The following CIP2A variants were observed in gnomAD, a reference collection of about 807,000 sequenced individuals.
CIP2A encodes the protein protein CIP2A.
A neutral mutation model predicts 110.9 loss-of-function variants in CIP2A; 103 were observed. The observed-to-expected ratio is 0.93, with a 90% CI of 0.79 to 1.09. The LOEUF is 1.09. Among genes scored for constraint, CIP2A ranks in the 50% least tolerant of loss-of-function variants. The pLI, the probability that CIP2A is intolerant of heterozygous loss-of-function variation, is 0.00. For missense variants in CIP2A, 1,088 were observed against 1,038.4 expected (o/e 1.05, Z -0.66); for synonymous variants, 381 against 361.6 (o/e 1.05, Z -0.61).
In CIP2A at chr3:108,560,720, G is replaced by A. The variant is rs1937977429; in HGVS notation, c.1756C>T (p.Pro586Ser). 1.9e-6 allele frequency: 3 copies of A among 1,611,810 alleles called. No individual in the cohort carries two copies. Among genetic ancestry groups the A allele is most frequent in the Non-Finnish European group, 2.5e-6 (3 of 1,178,502 alleles). Residue 586 changes from proline to serine, a missense_variant, in exon 14 of 21, where the codon CCT becomes TCT. Coordinates refer to ENST00000295746, the MANE Select transcript of CIP2A (RefSeq NM_020890.3). ...SFPTSIKCLT[P>S]HLKDGVPGLN... ...CCAGGAACACCATCTTTCAAATGAGGAGTTAAACACTTTATTGATGTTGGA... is the reference window on the plus strand; with the variant it reads ...CCAGGAACACCATCTTTCAAATGAGAAGTTAAACACTTTATTGATGTTGGA...
chr3:108,551,132 C>A lies in CIP2A; in HGVS notation c.*17G>T. On this transcript the variant is annotated 3_prime_UTR_variant, in exon 21 of 21. Coordinates refer to ENST00000295746, the MANE Select transcript of CIP2A (RefSeq NM_020890.3). ...CAAAAATATCATGAGATTACAAATT[C>A]CAAAATGCCATAATGTCTATATACT... is the stretch of plus-strand genomic sequence containing the variant. 8.8e-7 allele frequency: 1 copy of A among 1,134,734 alleles called. No homozygotes were observed. The highest frequency in any genetic ancestry group is 1.1e-6 in the Non-Finnish European group (1 of 873,768). 70.3% of individuals were successfully genotyped at this position (1,134,734 alleles called of 1,614,324 possible).
chr3:108,576,316 TTGG>T lies in CIP2A; in HGVS notation c.846_848del (p.His282del). 1.3e-6 allele frequency: 2 copies of T among 1,563,802 alleles called. No homozygotes were observed. Among genetic ancestry groups the T allele is most frequent in the Non-Finnish European group, 1.7e-6 (2 of 1,152,538 alleles). On this transcript the variant is annotated inframe_deletion, in exon 8 of 21. Coordinates refer to ENST00000295746, the MANE Select transcript of CIP2A (RefSeq NM_020890.3). ...CCTTTCCATTAAGAAGACCTAATAC[TTGG>T]TGAAGACATGAAGAAAAGTGCTCAT...
intron 5 of CIP2A, among the ~76,000 whole-genome samples, chr3:108,580,647 A>T (rs1436265922): frequency 6.7e-6 from 1 of 149,296 alleles, no homozygotes; most frequent in African/African-American, 2.5e-5. Flanking sequence ...TTTTTTTTTT[A>T]AGGATGGAGT....
intron 8 of CIP2A, among the ~76,000 whole-genome samples, chr3:108,572,700 T>C (rs1216183493): frequency 6.6e-6 from 1 of 152,068 alleles, no homozygotes; most frequent in Non-Finnish European, 1.5e-5. Context: ...ACTTGTTAAA[T>C]AGATTCACTT....
chr3:108,560,731 T>C lies in CIP2A; in HGVS notation c.1745A>G (p.Lys582Arg), dbSNP rs147916833. Residue 582 changes from lysine to arginine, a missense_variant, in exon 14 of 21, where the codon AAG (lysine) becomes AGG (arginine). Transcript: ENST00000295746. The part of the protein sequence containing the change: ...SSNHSFPTSI[K>R]CLTPHLKDGV... The stretch of plus-strand genomic sequence containing the variant: ...ATCTTTCAAATGAGGAGTTAAACAC[T>C]TTATTGATGTTGGAAAACTGTGATT... 6.8e-4 allele frequency: 1,096 copies of C among 1,612,386 alleles called. 16 individuals carry two copies. The South Asian group carries it at 0.011, about 17-fold the overall frequency.
At chr3:108,565,769 A>G (rs1448008136) in intron 11 of CIP2A, among the ~76,000 whole-genome samples, 1 of 151,812 alleles carries the variant, frequency 6.6e-6, no homozygotes, top group Admixed American at 6.6e-5. Context: ...TGTCACTAGA[A>G]TATCAACAAC....
rs778432036 is a variant in CIP2A, at chr3:108,563,242, G to C, written c.1518C>G (p.Asp506Glu). 6.3e-7 allele frequency: 1 copy of C among 1,590,630 alleles called. No homozygotes were observed. The highest frequency in any genetic ancestry group is 8.6e-7 in the Non-Finnish European group (1 of 1,160,140). The change falls in exon 13 of 21, where the codon GAC becomes GAG. Residue 506 changes from aspartate (D) to glutamate (E), a missense_variant and splice_region_variant. Transcript: ENST00000295746. ...AAGCCAAAGGAGTAATCAAACGTGGGTCCTAAATAAATCAGAAACCAAAAA... is the reference window on the plus strand; with the variant it reads ...AAGCCAAAGGAGTAATCAAACGTGGCTCCTAAATAAATCAGAAACCAAAAA... ...MEVSFYKILQDPRLITPLAFA... is the reference protein window; with the variant it reads ...MEVSFYKILQEPRLITPLAFA...
intron 10 of CIP2A, among the ~76,000 whole-genome samples, chr3:108,567,077 C>T (rs1438261835): frequency 1.3e-5 from 2 of 151,734 alleles, no homozygotes; most frequent in African/African-American, 4.8e-5. Flanking sequence ...TCATGTATCC[C>T]TACTGCAGTG....
At chr3:108,553,894 T>TACAAAAAAACAAAAAA (rs1303036231) in intron 18 of CIP2A, among the ~76,000 whole-genome samples, 164 bp from the exon 19 acceptor site, 1 of 49,706 alleles carries the variant, frequency 2.0e-5, no homozygotes, top group African/African-American at 6.8e-5. Flanking sequence ...CTACTAAAAA[T>TACAAAAAAACAAAAAA]ATAAAAAAAA....
At chr3:108,577,542 T>C (rs1938703930) in intron 7 of CIP2A, among the ~76,000 whole-genome samples, 2 of 152,154 alleles carry the variant, frequency 1.3e-5, no homozygotes, top group South Asian at 4.1e-4. Flanking sequence ...TTTAGATATT[T>C]ATTTTCTGTG....
intron 10 of CIP2A, among the ~76,000 whole-genome samples, 185 bp from the exon 11 acceptor site, chr3:108,566,823 T>C (rs966207369): frequency 1.3e-5 from 2 of 151,800 alleles, no homozygotes; most frequent in Non-Finnish European, 3.0e-5. Flanking sequence ...TGGTAAGAGA[T>C]GGACTGGCAC....
intron 8 of CIP2A, among the ~76,000 whole-genome samples, 158 bp from the exon 9 acceptor site, chr3:108,569,765 T>C (rs1246212788): frequency 6.6e-6 from 1 of 152,108 alleles, no homozygotes; most frequent in Non-Finnish European, 1.5e-5. Context: ...AATGTGTGAA[T>C]AGGTTCTAGA....
intron 9 of CIP2A, among the ~76,000 whole-genome samples, chr3:108,568,519 T>C (rs1938264318): frequency 6.6e-6 from 1 of 152,052 alleles, no homozygotes; most frequent in Admixed American, 6.6e-5. Context: ...TTTTCTCAAA[T>C]TAGACAGTAA....
intron 2 of CIP2A, among the ~76,000 whole-genome samples, chr3:108,583,424 A>G (rs1057497937): frequency 5.9e-5 from 9 of 152,228 alleles, no homozygotes; most frequent in African/African-American, 1.9e-4. Context: ...ATATAAAAGA[A>G]TGCATGCCAT....
In CIP2A at chr3:108,582,211, A is replaced by T; in HGVS notation, c.358-9T>A. The T allele has an allele frequency of 8.7e-7, 1 of 1,143,822 alleles. No homozygotes were observed. The highest frequency in any genetic ancestry group is 1.3e-6 in the Non-Finnish European group (1 of 785,430). 70.9% of individuals were successfully genotyped at this position (1,143,822 alleles called of 1,614,324 possible). On this transcript the variant is annotated splice_polypyrimidine_tract_variant and intron_variant, in intron 3 of 20. Coordinates refer to ENST00000295746, the MANE Select transcript of CIP2A (RefSeq NM_020890.3). ...TGTAGAAGTTGAATGCACTGAGAAT[A>T]AGAAAATAGTTATAAATATAAAGAT...
At chr3:108,566,729 A>C in intron 10 of CIP2A, 91 bp from the exon 11 acceptor site, 1 of 736,004 alleles carries the variant, frequency 1.4e-6, no homozygotes, top group Non-Finnish European at 2.1e-6. Context: ...TTATATCATC[A>C]CTGTCATCCA....
intron 7 of CIP2A, among the ~76,000 whole-genome samples, chr3:108,578,620 C>T (rs1938760374): frequency 6.6e-6 from 1 of 152,144 alleles, no homozygotes; most frequent in Non-Finnish European, 1.5e-5. Context: ...GTGTGTGAAA[C>T]TCTTTGAAAC....
intron 7 of CIP2A, among the ~76,000 whole-genome samples, chr3:108,578,123 G>C (rs1347691202): frequency 6.6e-6 from 1 of 152,178 alleles, no homozygotes; most frequent in African/African-American, 2.4e-5. Context: ...GGGATTCTAC[G>C]ATAGAGTATA....
intron 16 of CIP2A, among the ~76,000 whole-genome samples, chr3:108,558,561 C>T (rs1041544771): frequency 9.2e-5 from 14 of 152,000 alleles, no homozygotes; most frequent in African/African-American, 3.1e-4. Context: ...GTCTTTGATA[C>T]CATGAGTGAG....
Sources: allele counts gnomAD v4.1 joint callset (sites outside exome capture counted in the v4.1 genomes callset), GRCh38; gene constraint gnomAD v4.1.1; transcripts MANE v1.5; gene names NCBI Gene and HGNC (gene_info 2026-07-23, HGNC 2026-07-21).